The following MDGA2 variants were observed in gnomAD, a reference collection of about 807,000 sequenced individuals.
MDGA2 encodes the protein MAM domain-containing glycosylphosphatidylinositol anchor protein 2.
A neutral mutation model predicts 117.8 loss-of-function variants in MDGA2; 40 were observed. The ratio of observed to expected loss-of-function variants is 0.34; its 90% CI spans 0.26 to 0.44. The LOEUF is 0.44. Ranked by LOEUF, MDGA2 falls within the 20% of genes least tolerant of loss-of-function variation. The pLI is 1.00. For synonymous variants in MDGA2, 452 were observed against 439.0 expected (o/e 1.03, Z -0.37); for missense variants, 1,123 against 1,250.6 (o/e 0.90, Z 1.54).
chr14:47,172,453 T>G (rs1223490417), intron 3 of MDGA2, among the ~76,000 whole-genome samples: 1 of 151,432 alleles, frequency 6.6e-6, no homozygotes, highest in East Asian at 2.0e-4. Flanking sequence ...AGACAAAACT[T>G]CCAGCGGAAC....
In MDGA2 at chr14:47,661,784, T is replaced by G. The variant is rs982329290; in HGVS notation, c.280+12733A>C. ...TTTTTTTTTTGAGACAGAGTTTCGCTCTTGTTGCCCAGGATGGAGTGCAGT... is the reference window on the plus strand; with the variant it reads ...TTTTTTTTTTGAGACAGAGTTTCGCGCTTGTTGCCCAGGATGGAGTGCAGT... On this transcript the variant is annotated intron_variant, in intron 1 of 16. Transcript: ENST00000399232. Among the ~76,000 whole-genome samples the G allele has an allele frequency of 6.7e-5, 9 of 133,584 alleles. No homozygotes were observed. In the Admixed American group the frequency reaches 7.5e-4, roughly 11 times the overall value. The allele number at this position is 133,584 out of a possible 152,430, so 87.6% of individuals were successfully genotyped here.
chr14:47,529,624 T>C (rs1195324422), intron 1 of MDGA2, among the ~76,000 whole-genome samples: 1 of 152,198 alleles, frequency 6.6e-6, no homozygotes, highest in African/African-American at 2.4e-5. Flanking sequence ...TTCTTAGTGA[T>C]CATTAACAAA....
intron 1 of MDGA2, among the ~76,000 whole-genome samples, chr14:47,356,655 T>A (rs1891000685): frequency 6.6e-6 from 1 of 152,188 alleles, no homozygotes; most frequent in South Asian, 2.1e-4. Flanking sequence ...GTGGGTTGTG[T>A]GGACCTCACC....
At chr14:47,462,528 T>C (rs918307866) in intron 1 of MDGA2, among the ~76,000 whole-genome samples, 1 of 152,218 alleles carries the variant, frequency 6.6e-6, no homozygotes, top group Non-Finnish European at 1.5e-5. Flanking sequence ...ACTTCCTGGA[T>C]GTTAACAATT....
intron 1 of MDGA2, among the ~76,000 whole-genome samples, chr14:47,614,611 C>G (rs1896916018): frequency 6.6e-6 from 1 of 152,126 alleles, no homozygotes; most frequent in Admixed American, 6.5e-5. Context: ...TTAAAAATGG[C>G]TAGAGATTTT....
intron 3 of MDGA2, among the ~76,000 whole-genome samples, chr14:47,161,778 A>G (rs1357148778): frequency 6.6e-6 from 1 of 151,684 alleles, no homozygotes; most frequent in African/African-American, 2.4e-5. Context: ...TCTCCTGCCA[A>G]CCTCAACTCT....
chr14:47,662,588 T>C (rs962710073), intron 1 of MDGA2, among the ~76,000 whole-genome samples: 2 of 152,060 alleles, frequency 1.3e-5, no homozygotes, highest in Non-Finnish European at 2.9e-5. Flanking sequence ...ATAATGACCA[T>C]AGAGTTCAAC....
intron 11 of MDGA2, 65 bp from the exon 12 acceptor site, chr14:46,877,574 T>C: frequency 3.3e-6 from 4 of 1,204,762 alleles, no homozygotes; most frequent in Admixed American, 4.4e-5. Context: ...GAATGTCTTT[T>C]ATAAATAAAA....
rs1355152391 is a variant in MDGA2, at chr14:47,326,174, C to T, written c.281-24624G>A. On this transcript the variant is annotated intron_variant, in intron 1 of 16. Coordinates refer to ENST00000399232, the MANE Select transcript of MDGA2 (RefSeq NM_001113498.3). The stretch of plus-strand genomic sequence containing the variant: ...CCAAAAAAATCACACACTGTCACAT[C>T]CTATATCTGCAAGTCATTTAGACAT... 2.0e-5 allele frequency among the ~76,000 whole-genome samples: 3 copies of T among 152,108 alleles called. No homozygotes were observed. In the East Asian group the frequency reaches 5.8e-4, roughly 29 times the overall value.
chr14:47,077,226 T>G (rs1201516851), intron 6 of MDGA2, among the ~76,000 whole-genome samples: 1 of 152,108 alleles, frequency 6.6e-6, no homozygotes, highest in Admixed American at 6.5e-5. Context: ...CAGGCAGGCA[T>G]GCATTTTTTA....
At chr14:47,008,091 T>G (rs1237640992) in intron 8 of MDGA2, among the ~76,000 whole-genome samples, 3 of 151,872 alleles carry the variant, frequency 2.0e-5, no homozygotes, top group African/African-American at 7.2e-5. Flanking sequence ...TGGATAACCA[T>G]GAGTTTGAAT....
chr14:47,226,970 T>C (rs1886527549), intron 2 of MDGA2, among the ~76,000 whole-genome samples: 1 of 152,098 alleles, frequency 6.6e-6, no homozygotes, highest in African/African-American at 2.4e-5. Context: ...CCTCCGGTCC[T>C]CCAGATATCA....
intron 2 of MDGA2, among the ~76,000 whole-genome samples, chr14:47,225,410 C>T (rs1373061251): frequency 6.6e-6 from 1 of 151,808 alleles, no homozygotes; most frequent in East Asian, 1.9e-4. Context: ...TGGAACCAAC[C>T]CAAATGTCCA....
chr14:47,089,397 A>ATTGTT (rs1891026071), intron 6 of MDGA2, among the ~76,000 whole-genome samples: 1 of 151,876 alleles, frequency 6.6e-6, no homozygotes, highest in African/African-American at 2.4e-5. Context: ...TTGTTTGTAG[A>ATTGTT]TGTAGTCTCA....
chr14:47,435,166 T>C (rs969705554), intron 1 of MDGA2, among the ~76,000 whole-genome samples: 2 of 152,006 alleles, frequency 1.3e-5, no homozygotes, highest in Non-Finnish European at 2.9e-5. Context: ...CAAACCAACA[T>C]TGCAATATAC....
chr14:47,587,990 T>C (rs1196018766), intron 1 of MDGA2, among the ~76,000 whole-genome samples: 1 of 151,814 alleles, frequency 6.6e-6, no homozygotes, highest in Admixed American at 6.6e-5. Flanking sequence ...ATGCCATTTA[T>C]GTCTGGTTTC....
At chr14:47,181,056 T>C (rs1437944410) in intron 3 of MDGA2, among the ~76,000 whole-genome samples, 1 of 152,220 alleles carries the variant, frequency 6.6e-6, no homozygotes, top group Non-Finnish European at 1.5e-5. Flanking sequence ...AGTGTAGTTA[T>C]TCCTCTTATT....
chr14:47,152,371 T>G (rs1190872858), intron 3 of MDGA2, among the ~76,000 whole-genome samples: 1 of 152,164 alleles, frequency 6.6e-6, no homozygotes, highest in East Asian at 1.9e-4. Flanking sequence ...AATAATCAAC[T>G]AATGAATGCT....
In MDGA2 at chr14:47,372,833, A is replaced by G. The variant is rs889629770; in HGVS notation, c.281-71283T>C. Among the ~76,000 whole-genome samples the G allele has an allele frequency of 3.3e-5, 5 of 152,020 alleles. No individual in the cohort carries two copies. In the South Asian group the frequency reaches 8.3e-4, roughly 25 times the overall value. On this transcript the variant is annotated intron_variant, in intron 1 of 16. Coordinates refer to ENST00000399232, the MANE Select transcript of MDGA2 (RefSeq NM_001113498.3). ...AATTTGACTATCCAATGATAGGCAAATGTTCATATACATTTTATTATACTT... is the reference window on the plus strand; with the variant it reads ...AATTTGACTATCCAATGATAGGCAAGTGTTCATATACATTTTATTATACTT...
Sources: allele counts gnomAD v4.1 joint callset (sites outside exome capture counted in the v4.1 genomes callset), GRCh38; gene constraint gnomAD v4.1.1; transcripts MANE v1.5; gene names NCBI Gene and HGNC (gene_info 2026-07-23, HGNC 2026-07-21).